The following PDE1C variants were observed in gnomAD, a reference collection of about 807,000 sequenced individuals.
The protein encoded by PDE1C is phosphodiesterase 1C.
In PDE1C, 62 loss-of-function variants were observed where a neutral mutation model predicts 93.1. The observed-to-expected ratio is 0.67, with a 90% CI of 0.54 to 0.82. The LOEUF (loss-of-function observed/expected upper bound fraction) is 0.82. Among genes scored for constraint, PDE1C ranks in the 40% least tolerant of loss-of-function variants. The pLI is 0.00. For missense variants in PDE1C, 742 were observed against 884.6 expected (o/e 0.84, Z 2.04); for synonymous variants, 325 against 310.1 (o/e 1.05, Z -0.50).
At chr7:32,363,816 C>A (rs6956350) in intron 1 of PDE1C, among the ~76,000 whole-genome samples, 12,617 of 152,248 alleles carry the variant, frequency 0.083, 587 homozygotes, top group African/African-American at 0.12. Context: ...CATTAAAAAT[C>A]TATTTTTCTT....
At chr7:31,733,650 T>C in the PDE1C span, among the ~76,000 whole-genome samples, 1 of 152,190 alleles carries the variant, frequency 6.6e-6, no homozygotes, top group Non-Finnish European at 1.5e-5. Context: ...CATACTACAT[T>C]ACATGCCTTC....
intron 1 of PDE1C, among the ~76,000 whole-genome samples, chr7:32,281,840 G>T (rs1488832040): frequency 6.6e-6 from 1 of 152,152 alleles, no homozygotes; most frequent in East Asian, 1.9e-4. Context: ...ATACTATGCA[G>T]CCATAAAAAG....
At chr7:31,775,997 T>G (rs1782929876) in intron 16 of PDE1C, among the ~76,000 whole-genome samples, 1 of 152,112 alleles carries the variant, frequency 6.6e-6, no homozygotes, top group Non-Finnish European at 1.5e-5. Flanking sequence ...AATGCTACAT[T>G]TTAGGATCAC....
chr7:32,193,075 T>C (rs1228789217), intron 2 of PDE1C, among the ~76,000 whole-genome samples: 1 of 152,178 alleles, frequency 6.6e-6, no homozygotes, highest in Non-Finnish European at 1.5e-5. Context: ...ATTTTCTATG[T>C]AGATAACCAT....
the PDE1C span, chr7:31,652,556 T>A: frequency 6.2e-7 from 1 of 1,609,170 alleles, no homozygotes; most frequent in Non-Finnish European, 8.5e-7. Context: ...CTGAACACTA[T>A]TCAAATCTGC....
intron 15 of PDE1C, among the ~76,000 whole-genome samples, chr7:31,814,612 A>G (rs1420004007): frequency 6.6e-6 from 1 of 151,566 alleles, no homozygotes; most frequent in Non-Finnish European, 1.5e-5. Flanking sequence ...GCCCTGTGGC[A>G]TAATAGCTAG....
At chr7:32,080,266 C>T (rs1796581527) in intron 3 of PDE1C, among the ~76,000 whole-genome samples, 1 of 152,114 alleles carries the variant, frequency 6.6e-6, no homozygotes, top group East Asian at 1.9e-4. Flanking sequence ...TCCCAAAAGT[C>T]TTGTTCACCA....
the PDE1C span, among the ~76,000 whole-genome samples, chr7:31,632,432 G>C: frequency 6.6e-6 from 1 of 152,234 alleles, no homozygotes; most frequent in African/African-American, 2.4e-5. Flanking sequence ...GGGTGACAGA[G>C]CGAGACTCCT....
intron 1 of PDE1C, among the ~76,000 whole-genome samples, chr7:32,362,240 G>T (rs1784150300): frequency 6.6e-6 from 1 of 152,176 alleles, no homozygotes; most frequent in Admixed American, 6.5e-5. Flanking sequence ...GAGTGTGTGT[G>T]TGGTGGTTGT....
chr7:32,185,267 A>G (rs1041923495), intron 2 of PDE1C, among the ~76,000 whole-genome samples: 1 of 151,612 alleles, frequency 6.6e-6, no homozygotes, highest in Non-Finnish European at 1.5e-5. Context: ...AAAAAAAAAA[A>G]AAAATTAATA....
At chr7:32,370,149 C>T (rs1315675602) in intron 1 of PDE1C, among the ~76,000 whole-genome samples, 2 of 152,088 alleles carry the variant, frequency 1.3e-5, no homozygotes, top group Non-Finnish European at 1.5e-5. Context: ...ACTATGCAGC[C>T]ATAAAAAACG....
At chr7:32,328,480 C>A (rs1231302432) in intron 1 of PDE1C, among the ~76,000 whole-genome samples, 1 of 152,190 alleles carries the variant, frequency 6.6e-6, no homozygotes, top group South Asian at 2.1e-4. Context: ...CTGCTGCAGA[C>A]CTGCCTGGCC....
intron 1 of PDE1C, among the ~76,000 whole-genome samples, chr7:32,256,358 T>A (rs1395431340): frequency 6.6e-6 from 1 of 152,176 alleles, no homozygotes; most frequent in Non-Finnish European, 1.5e-5. Flanking sequence ...GAAGTGTCAC[T>A]GTCCTATCAG....
the PDE1C span, among the ~76,000 whole-genome samples, chr7:31,722,154 A>G: frequency 6.6e-6 from 1 of 151,718 alleles, no homozygotes; most frequent in South Asian, 2.1e-4. Flanking sequence ...ATGTGCTTCC[A>G]TCTCACCCCT....
chr7:31,667,641 GA>G, the PDE1C span, among the ~76,000 whole-genome samples: 124,169 of 151,172 alleles, frequency 0.82, 51,537 homozygotes, highest in African/African-American at 0.95. Context: ...AAACAAATAT[GA>G]AAAAAAAAGA....
chr7:32,131,000 C>T (rs182121399), intron 3 of PDE1C, among the ~76,000 whole-genome samples: 25 of 152,148 alleles, frequency 1.6e-4, no homozygotes, highest in Non-Finnish European at 2.8e-4. Flanking sequence ...TAGGTCCCTT[C>T]AAGTTAAGGA....
the PDE1C span, among the ~76,000 whole-genome samples, chr7:31,724,463 C>T: frequency 6.6e-6 from 1 of 152,168 alleles, no homozygotes; most frequent in Non-Finnish European, 1.5e-5. Context: ...AAATATTTAT[C>T]CAATATCATC....
intron 3 of PDE1C, among the ~76,000 whole-genome samples, chr7:32,152,571 C>A (rs1380688200): frequency 6.6e-6 from 1 of 152,138 alleles, no homozygotes; most frequent in Non-Finnish European, 1.5e-5. Flanking sequence ...ACTCAGGGCC[C>A]CTCTTTTAAT....
the PDE1C span, among the ~76,000 whole-genome samples, chr7:31,685,488 A>G: frequency 6.6e-6 from 1 of 152,220 alleles, no homozygotes; most frequent in African/African-American, 2.4e-5. Flanking sequence ...AGTTTAATTC[A>G]AAAGAAGAAT....
Sources: gnomAD v4.1 joint callset for allele counts (sites outside exome capture counted in the v4.1 genomes callset) on GRCh38, gnomAD v4.1.1 for gene constraint, MANE v1.5 for transcripts, NCBI Gene and HGNC (gene_info 2026-07-23, HGNC 2026-07-21) for gene names.